Variants in SDHAF2 observed in about 807,000 individuals in gnomAD.
SDHAF2 encodes succinate dehydrogenase assembly factor 2, mitochondrial.
Under a neutral mutation model 18.5 loss-of-function variants are expected in SDHAF2, and 21 were observed. That is an observed-to-expected ratio of 1.13 (90% CI 0.80 to 1.63). The LOEUF (loss-of-function observed/expected upper bound fraction) is 1.63. Ranked by LOEUF, SDHAF2 falls within the 40% of genes most tolerant of loss-of-function variation. SDHAF2 has a pLI of 0.00. For synonymous variants in SDHAF2, 84 were observed against 70.7 expected, an observed-to-expected ratio of 1.19 and a Z score of -0.94; for missense variants, 195 against 200.3, an observed-to-expected ratio of 0.97 and a Z score of 0.16.
chr11:61,437,695 G>C lies in SDHAF2; in HGVS notation c.107G>C (p.Arg36Thr). ...GTGACATCATTCAGACGCTTCTACAGAGGTGACAGCCCAACAGATTCCCAA... is the reference window on the plus strand; with the variant it reads ...GTGACATCATTCAGACGCTTCTACACAGGTGACAGCCCAACAGATTCCCAA... ...LSVTSFRRFY[R>T]GDSPTDSQKD... Residue 36 changes from arginine (R) to threonine (T), a missense_variant, in exon 2 of 4, where the codon AGA becomes ACA. Coordinates refer to ENST00000301761, the MANE Select transcript of SDHAF2 (RefSeq NM_017841.4). 6.2e-7 allele frequency: 1 copy of C among 1,614,216 alleles called. No homozygotes were observed. The highest frequency in any genetic ancestry group is 8.5e-7 in the Non-Finnish European group (1 of 1,180,040).
At chr11:61,443,329 CT>C (rs1490166165) in intron 3 of SDHAF2, among the ~76,000 whole-genome samples, 1 of 152,142 alleles carries the variant, frequency 6.6e-6, no homozygotes. Flanking sequence ...CCACTGGCGC[CT>C]TTAATATTAG....
intron 1 of SDHAF2, chr11:61,434,600 T>G (rs1001736352): frequency 4.6e-5 from 7 of 151,506 alleles, no homozygotes; most frequent in South Asian, 2.1e-4. Context: ...CCTTTTTTTT[T>G]TTTTTTTTTT....
At chr11:61,430,286 G>T in intron 1 of SDHAF2, 104 bp downstream of exon 1, 1 of 1,480,626 alleles carries the variant, frequency 6.8e-7, no homozygotes, top group South Asian at 1.2e-5. Context: ...CTGCCCGATA[G>T]CGCAGGGCAA....
rs1590765676 is a variant in SDHAF2, at chr11:61,439,001, A to ACG, written c.370+889_370+890insGC. Among the ~76,000 whole-genome samples the ACG allele has an allele frequency of 3.3e-5, 5 of 152,152 alleles. No individual in the cohort carries two copies. In the East Asian group the frequency reaches 9.7e-4, roughly 29 times the overall value. ...AGAGATTGCAGTGAGCTGAGATTGC[A>ACG]CCACTGCACTCCATCCTGGGCAAAA... On this transcript the variant is annotated intron_variant, in intron 3 of 3. Coordinates refer to ENST00000301761, the MANE Select transcript of SDHAF2 (RefSeq NM_017841.4).
At chr11:61,432,988 TTACAGTATTA>T (rs1861950844) in intron 1 of SDHAF2, 1 of 151,948 alleles carries the variant, frequency 6.6e-6, no homozygotes, top group Non-Finnish European at 1.5e-5. Context: ...CATACCACAG[TTACAGTATTA>T]TAGTATTCTG....
At chr11:61,430,331 A>G (rs893090861) in intron 1 of SDHAF2, 149 bp downstream of exon 1, 2 of 894,138 alleles carry the variant, frequency 2.2e-6, no homozygotes, top group Non-Finnish European at 3.6e-6. Flanking sequence ...CCTGCAACTC[A>G]GGAAATAAAG....
At chr11:61,443,571 G>A (rs2134898940) in intron 3 of SDHAF2, among the ~76,000 whole-genome samples, 1 of 152,298 alleles carries the variant, frequency 6.6e-6, no homozygotes, top group East Asian at 1.9e-4. Flanking sequence ...CTCAGCTTGG[G>A]TTGTTTTTGC....
chr11:61,444,587 CA>C (rs1862113694), intron 3 of SDHAF2, among the ~76,000 whole-genome samples: 1 of 151,548 alleles, frequency 6.6e-6, no homozygotes, highest in South Asian at 2.1e-4. Flanking sequence ...AAAAAAATTA[CA>C]AAAAATCAGC....
intron 3 of SDHAF2, among the ~76,000 whole-genome samples, chr11:61,439,787 TTTGTG>T (rs1862040816): frequency 6.6e-6 from 1 of 152,230 alleles, no homozygotes; most frequent in Admixed American, 6.5e-5. Context: ...AGTTCATTCT[TTTGTG>T]TTGAGTAATA....
chr11:61,446,127 A>T lies in SDHAF2; in HGVS notation c.*56A>T. ...AGTCTGTGGATGGTAACTACTTATGATGGACGTTAGCCTTGCTTCCGGCTT... is the reference window on the plus strand; with the variant it reads ...AGTCTGTGGATGGTAACTACTTATGTTGGACGTTAGCCTTGCTTCCGGCTT... On this transcript the variant is annotated 3_prime_UTR_variant, in exon 4 of 4. Coordinates refer to ENST00000301761, the MANE Select transcript of SDHAF2 (RefSeq NM_017841.4). The T allele has an allele frequency of 6.2e-7, 1 of 1,606,392 alleles. No individual in the cohort carries two copies. Among genetic ancestry groups the T allele is most frequent in the Non-Finnish European group, 8.5e-7 (1 of 1,174,004 alleles).
intron 1 of SDHAF2, chr11:61,435,193 AT>A (rs1861979042): frequency 6.6e-6 from 1 of 151,922 alleles, no homozygotes; most frequent in African/African-American, 2.4e-5. Flanking sequence ...CCTCTAGTGA[AT>A]TTTTCAATTC....
At chr11:61,439,080 G>A (rs1430598649) in intron 3 of SDHAF2, among the ~76,000 whole-genome samples, 1 of 152,004 alleles carries the variant, frequency 6.6e-6, no homozygotes, top group East Asian at 1.9e-4. Context: ...CTACCTTTAT[G>A]AGGAATGAAT....
intron 3 of SDHAF2, among the ~76,000 whole-genome samples, chr11:61,442,862 T>A (rs567197462): frequency 2.0e-5 from 3 of 152,230 alleles, no homozygotes; most frequent in African/African-American, 4.8e-5. Flanking sequence ...CAAGCGATTC[T>A]TGTGCCTCAG....
rs1465136006 is a variant in SDHAF2 at position 61,435,731 on chromosome 11, C to T, written c.37-1894C>T. The T allele has an allele frequency of 2.6e-5, 4 of 152,228 alleles. No homozygotes were observed. The East Asian group carries it at 7.7e-4, about 29-fold the overall frequency. 9.4% of individuals were successfully genotyped at this position (152,228 alleles called of 1,614,324 possible). ...TCTGGAGCTGCTACAAGTCTCCCAGCTGTCGGTGGCCTCCAGACTTTTAGA... is the reference window on the plus strand; with the variant it reads ...TCTGGAGCTGCTACAAGTCTCCCAGTTGTCGGTGGCCTCCAGACTTTTAGA... On this transcript the variant is annotated intron_variant, in intron 1 of 3. Transcript: ENST00000301761.
intron 1 of SDHAF2, chr11:61,435,272 G>C (rs1244060049): frequency 6.6e-6 from 1 of 151,356 alleles, no homozygotes; most frequent in African/African-American, 2.4e-5. Flanking sequence ...TCTTTTTTTT[G>C]GTTTTCTCAT....
chr11:61,437,916 T>C, intron 2 of SDHAF2, 68 bp downstream of exon 2: 1 of 1,560,398 alleles, frequency 6.4e-7, no homozygotes, highest in Non-Finnish European at 8.8e-7. Context: ...TCAGAGAGAC[T>C]CCCAGGAGTA....
At chr11:61,434,755 A>C (rs1454520859) in intron 1 of SDHAF2, 1 of 137,496 alleles carries the variant, frequency 7.3e-6, no homozygotes, top group Non-Finnish European at 1.5e-5. Context: ...TTTGAGACGG[A>C]GTCTCGCTCT....
At chr11:61,432,439 G>T (rs890512562) in intron 1 of SDHAF2, 2 of 152,088 alleles carry the variant, frequency 1.3e-5, no homozygotes, top group East Asian at 3.8e-4. Flanking sequence ...TTATAATACC[G>T]AAAACAATGT....
intron 3 of SDHAF2, among the ~76,000 whole-genome samples, chr11:61,441,895 T>TG (rs1055846989): frequency 6.6e-6 from 1 of 151,214 alleles, no homozygotes; most frequent in Admixed American, 6.6e-5. Flanking sequence ...CCCTTTTTTT[T>TG]TTTTTTGAGA....
Sources: allele counts gnomAD v4.1 joint callset (sites outside exome capture counted in the v4.1 genomes callset), GRCh38; gene constraint gnomAD v4.1.1; transcripts MANE v1.5; gene names NCBI Gene and HGNC (gene_info 2026-07-23, HGNC 2026-07-21).